The following LY96 variants were observed in gnomAD, a reference collection of about 807,000 sequenced individuals.
LY96 encodes the protein lymphocyte antigen 96.
In LY96, 18 loss-of-function variants were observed where a neutral mutation model predicts 18.9. That is an observed-to-expected ratio of 0.95 (90% CI 0.66 to 1.41). The LOEUF (loss-of-function observed/expected upper bound fraction) is 1.41. Among genes scored for constraint, LY96 ranks in the 40% most tolerant of loss-of-function variants. The pLI is 0.00. For synonymous variants in LY96, 66 were observed against 62.6 expected, an observed-to-expected ratio of 1.06 and a Z score of -0.26; for missense variants, 175 against 182.4, an observed-to-expected ratio of 0.96 and a Z score of 0.23.
the LY96 span, among the ~76,000 whole-genome samples, chr8:74,092,445 C>T: frequency 6.6e-6 from 1 of 152,216 alleles, no homozygotes; most frequent in Non-Finnish European, 1.5e-5. Flanking sequence ...AGATTATGCT[C>T]TTCTATACAA....
At chr8:74,098,461 C>T in the LY96 span, among the ~76,000 whole-genome samples, 19 of 152,216 alleles carry the variant, frequency 1.2e-4, no homozygotes, top group Middle Eastern at 3.4e-3. Flanking sequence ...GTGCAACCTC[C>T]GCCTCCTGGG....
At chr8:74,064,614 A>T in the LY96 span, among the ~76,000 whole-genome samples, 2 of 152,124 alleles carry the variant, frequency 1.3e-5, no homozygotes, top group Non-Finnish European at 2.9e-5. Flanking sequence ...TTCTACCAGT[A>T]TTGGAAGCTC....
chr8:74,025,448 A>G (rs977191784), intron 3 of LY96, among the ~76,000 whole-genome samples: 1 of 151,792 alleles, frequency 6.6e-6, no homozygotes, highest in African/African-American at 2.4e-5. Flanking sequence ...TGAGGTTAGG[A>G]GTTCAATACC....
At chr8:74,098,890 C>T in the LY96 span, among the ~76,000 whole-genome samples, 1 of 152,136 alleles carries the variant, frequency 6.6e-6, no homozygotes. Flanking sequence ...AGTAATCACA[C>T]CCTAACAGTC....
the LY96 span, among the ~76,000 whole-genome samples, chr8:74,088,389 T>C: frequency 6.6e-6 from 1 of 152,198 alleles, no homozygotes; most frequent in African/African-American, 2.4e-5. Context: ...GTTGGTGCCC[T>C]GAGCCAAGTC....
downstream of LY96, among the ~76,000 whole-genome samples, chr8:74,029,565 CGAA>C (rs1385878772): frequency 1.3e-5 from 2 of 152,158 alleles, no homozygotes; most frequent in Non-Finnish European, 2.9e-5. Context: ...TGCCACCATA[CGAA>C]GAAGGACGCG....
the LY96 span, among the ~76,000 whole-genome samples, chr8:74,036,084 C>T: frequency 6.6e-6 from 1 of 152,174 alleles, no homozygotes; most frequent in African/African-American, 2.4e-5. Context: ...CTTTTGGGTT[C>T]ACACCTCCAA....
chr8:74,002,093 T>TTCTTTCTTTCTTTCTTTCTCTC (rs1563710943), intron 1 of LY96, among the ~76,000 whole-genome samples: 7 of 38,700 alleles, frequency 1.8e-4, no homozygotes, highest in Admixed American at 7.2e-4. Flanking sequence ...CTTTCTTTCT[T>TTCTTTCTTTCTTTCTTTCTCTC]TCTCTCTCTC....
the LY96 span, among the ~76,000 whole-genome samples, chr8:74,079,794 C>T: frequency 3.9e-5 from 6 of 152,148 alleles, no homozygotes; most frequent in African/African-American, 1.4e-4. Flanking sequence ...AAGAGATCCA[C>T]CCGCTTTGGC....
chr8:74,009,968 T>C (rs1274375746), intron 2 of LY96, 33 bp from the exon 3 acceptor site: 1 of 1,510,436 alleles, frequency 6.6e-7, no homozygotes. Context: ...GAATCTACTA[T>C]TTGAGGGCCT....
chr8:74,086,679 C>T, the LY96 span, among the ~76,000 whole-genome samples: 4 of 152,176 alleles, frequency 2.6e-5, no homozygotes, highest in East Asian at 1.9e-4. Flanking sequence ...CCCTACCCTA[C>T]GTTCCCAAAT....
chr8:74,063,291 A>T, the LY96 span, among the ~76,000 whole-genome samples: 2 of 152,198 alleles, frequency 1.3e-5, no homozygotes, highest in Non-Finnish European at 2.9e-5. Flanking sequence ...AGTCACACAT[A>T]TTATCCTATT....
intron 3 of LY96, among the ~76,000 whole-genome samples, chr8:74,018,247 T>G (rs1249728138): frequency 6.6e-6 from 1 of 150,508 alleles, no homozygotes; most frequent in Non-Finnish European, 1.5e-5. Flanking sequence ...ATAAAAAAAA[T>G]AAATAAATAA....
At chr8:74,020,378 C>T (rs932769883) in intron 3 of LY96, among the ~76,000 whole-genome samples, 1 of 152,160 alleles carries the variant, frequency 6.6e-6, no homozygotes, top group African/African-American at 2.4e-5. Context: ...TAAAGGACCT[C>T]TTCAAGGAGA....
chr8:74,081,014 C>A, the LY96 span, among the ~76,000 whole-genome samples: 1 of 131,776 alleles, frequency 7.6e-6, no homozygotes, highest in Non-Finnish European at 1.5e-5. Flanking sequence ...TTCTTTCTTT[C>A]TTTCTTTCTT....
At chr8:74,072,175 C>A in the LY96 span, among the ~76,000 whole-genome samples, 1 of 152,046 alleles carries the variant, frequency 6.6e-6, no homozygotes, top group Middle Eastern at 3.2e-3. Flanking sequence ...TATAGAAATG[C>A]ATATAAATTT....
downstream of LY96, among the ~76,000 whole-genome samples, chr8:74,031,889 C>G (rs916022976): frequency 1.3e-5 from 2 of 151,942 alleles, no homozygotes; most frequent in African/African-American, 2.4e-5. Context: ...TTTGGGAGGC[C>G]GAGGTGGGTG....
At chr8:74,006,930 T>C (rs1816424337) in intron 2 of LY96, among the ~76,000 whole-genome samples, 1 of 152,168 alleles carries the variant, frequency 6.6e-6, no homozygotes, top group South Asian at 2.1e-4. Context: ...AGAGATTTCT[T>C]GGAGGAAACG....
the LY96 span, among the ~76,000 whole-genome samples, chr8:74,072,475 T>C: frequency 6.6e-6 from 1 of 152,250 alleles, no homozygotes; most frequent in African/African-American, 2.4e-5. Context: ...ATTAGTCCTC[T>C]GTTGTTGGAC....
Sources: gnomAD v4.1 joint callset for allele counts (sites outside exome capture counted in the v4.1 genomes callset) on GRCh38, gnomAD v4.1.1 for gene constraint, MANE v1.5 for transcripts, NCBI Gene and HGNC (gene_info 2026-07-23, HGNC 2026-07-21) for gene names.